AOX1: variants seen among roughly 807,000 people sequenced by gnomAD.
The protein encoded by AOX1 is aldehyde oxidase.
AOX1 carries 153 observed loss-of-function variants against 169.5 expected under a neutral mutation model. The ratio of observed to expected loss-of-function variants is 0.90; its 90% confidence interval spans 0.79 to 1.03. The LOEUF (loss-of-function observed/expected upper bound fraction) is 1.03, where lower values mean the gene tolerates loss of function less well. AOX1 is among the 50% of genes least tolerant of loss of function. The pLI is 0.00. For missense variants in AOX1, 1,656 were observed against 1,663.9 expected (o/e 1.00, Z 0.08); for synonymous variants, 562 against 581.9 (o/e 0.97, Z 0.49).
chr2:200,660,875 C>A (rs2035805519), intron 29 of AOX1, among the ~76,000 whole-genome samples: 1 of 152,190 alleles, frequency 6.6e-6, no homozygotes, highest in Admixed American at 6.5e-5. Context: ...GTCCTCTGTC[C>A]CATGCTGCCT....
chr2:200,638,388 A>G, intron 23 of AOX1, 86 bp downstream of exon 23: 1 of 1,168,752 alleles, frequency 8.6e-7, no homozygotes, highest in East Asian at 2.4e-5. Context: ...GCTACTCTCT[A>G]GTGGGGAGTA....
chr2:200,603,982 C>T (rs753332584), intron 7 of AOX1, 35 bp from the exon 8 acceptor site: 10 of 1,399,698 alleles, frequency 7.1e-6, no homozygotes, highest in Middle Eastern at 1.8e-4. Context: ...TAAAGTTGCT[C>T]GATAACAGTA....
chr2:200,608,908 C>T lies in AOX1; in HGVS notation c.908-76C>T, dbSNP rs1397680755. 3.0e-6 allele frequency: 4 copies of T among 1,337,560 alleles called. No homozygotes were observed. The African/African-American group carries it at 5.8e-5, about 19-fold the overall frequency. 82.9% of individuals were successfully genotyped at this position (1,337,560 alleles called of 1,614,324 possible). A position where few individuals can be genotyped will look rare whatever the true frequency, so the allele number is the denominator to read the frequency against. On this transcript the variant is annotated intron_variant, in intron 10 of 34. Coordinates refer to ENST00000374700, the MANE Select transcript of AOX1 (RefSeq NM_001159.4). ...TGTATCCAGTATAAAGATTCTATGT[C>T]TGTAGCTTTGGTCTAATGGACATTT...
intron 23 of AOX1, among the ~76,000 whole-genome samples, chr2:200,640,551 G>A (rs558041180): frequency 6.6e-6 from 1 of 152,210 alleles, no homozygotes; most frequent in Non-Finnish European, 1.5e-5. Flanking sequence ...GAATACAACC[G>A]CAAACATGAC....
intron 25 of AOX1, among the ~76,000 whole-genome samples, chr2:200,649,048 C>T (rs1015142417): frequency 2.0e-5 from 3 of 152,264 alleles, no homozygotes; most frequent in African/African-American, 7.2e-5. Context: ...GTTTCTCCCC[C>T]TGCCTGTGGA....
intron 3 of AOX1, among the ~76,000 whole-genome samples, chr2:200,595,880 GC>G (rs1182936053): frequency 6.6e-6 from 1 of 152,106 alleles, no homozygotes; most frequent in Non-Finnish European, 1.5e-5. Context: ...AGAGTGACCT[GC>G]TTTAATTATC....
chr2:200,668,252 T>A (rs578115098), intron 32 of AOX1, among the ~76,000 whole-genome samples: 1 of 151,954 alleles, frequency 6.6e-6, no homozygotes, highest in Admixed American at 6.6e-5. Flanking sequence ...ATTATAGGCA[T>A]GCACCATCAC....
At chr2:200,647,911 A>G (rs2035493198) in intron 25 of AOX1, among the ~76,000 whole-genome samples, 1 of 150,650 alleles carries the variant, frequency 6.6e-6, no homozygotes, top group Non-Finnish European at 1.5e-5. Flanking sequence ...GCATTTCTAA[A>G]AGTGTATCCA....
rs765052288 is a variant in AOX1 at position 200,670,669 on chromosome 2, T to C, written c.4007T>C (p.Val1336Ala). The C allele has an allele frequency of 6.2e-7, 1 of 1,612,690 alleles. No individual in the cohort carries two copies. Among genetic ancestry groups the C allele is most frequent in the Admixed American group, 1.7e-5 (1 of 60,020 alleles). The change falls in exon 35 of 35, where the codon GTA (valine) becomes GCA (alanine). Residue 1336 changes from valine to alanine, a missense_variant. By Grantham distance (64) the Val-to-Ala change is moderately conservative (BLOSUM62 0). Transcript: ENST00000374700. ...DEPGSYVPWN[V>A]PI ...CCTGGATCCTACGTTCCTTGGAATG[T>C]ACCCATCTGAATCAAATGCAAACTT...
intron 21 of AOX1, among the ~76,000 whole-genome samples, chr2:200,635,184 G>A (rs2035206011): frequency 6.6e-6 from 1 of 152,050 alleles, no homozygotes; most frequent in African/African-American, 2.4e-5. Flanking sequence ...AGTATTAATA[G>A]CCATATTGAT....
At chr2:200,674,467 C>T (rs1165872458), downstream of AOX1, among the ~76,000 whole-genome samples, 2 of 152,078 alleles carry the variant, frequency 1.3e-5, no homozygotes, top group African/African-American at 4.8e-5. Flanking sequence ...GACAAGATGG[C>T]ATATGAATGG....
chr2:200,591,972 GA>G (rs938322182), intron 1 of AOX1, among the ~76,000 whole-genome samples: 8 of 148,406 alleles, frequency 5.4e-5, no homozygotes, highest in East Asian at 2.0e-4. Context: ...TGGTGGATTG[GA>G]AAAAAAAAAG....
intron 23 of AOX1, among the ~76,000 whole-genome samples, chr2:200,639,061 T>C (rs1368574190): frequency 6.6e-6 from 1 of 152,224 alleles, no homozygotes; most frequent in African/African-American, 2.4e-5. Flanking sequence ...AAATTTAAAT[T>C]ACCCAAATTA....
chr2:200,667,929 C>T (rs2105777144), intron 32 of AOX1, among the ~76,000 whole-genome samples: 1 of 152,146 alleles, frequency 6.6e-6, no homozygotes, highest in East Asian at 1.9e-4. Flanking sequence ...GGTCTCTGGA[C>T]ACATCAGTCA....
At chr2:200,638,089 C>G in intron 22 of AOX1, 126 bp from the exon 23 acceptor site, 1 of 757,140 alleles carries the variant, frequency 1.3e-6, no homozygotes, top group Non-Finnish European at 2.2e-6. Context: ...GATAGGCATG[C>G]GAAATAGTTG....
chr2:200,656,849 C>A lies in AOX1; in HGVS notation c.3083C>A (p.Ala1028Asp). 6.3e-7 allele frequency: 1 copy of A among 1,576,656 alleles called. No individual in the cohort carries two copies. Among genetic ancestry groups the A allele is most frequent in the Non-Finnish European group, 8.6e-7 (1 of 1,160,328 alleles). Residue 1028 changes from alanine (A) to aspartate (D), a missense_variant, in exon 27 of 35, where the codon GCC becomes GAC. Physicochemically the swap from Ala to Asp is moderately radical, Grantham distance 126. Coordinates refer to ENST00000374700, the MANE Select transcript of AOX1 (RefSeq NM_001159.4). Reference sequence around the variant, plus strand: ...TTCGTCTTTTCTGCTCAGGCTGCTGCCTTGGTTCACATTTATCTTGATGGC... The same window carrying A: ...TTCGTCTTTTCTGCTCAGGCTGCTGACTTGGTTCACATTTATCTTGATGGC... ...LGSRAAGQAA[A>D]LVHIYLDGSV...
At chr2:200,679,656 G>GC (rs35141860), downstream of AOX1, among the ~76,000 whole-genome samples, 11,100 of 149,716 alleles carry the variant, frequency 0.074, 478 homozygotes, top group Admixed American at 0.12. Flanking sequence ...AGGTAGTGAC[G>GC]CCCCCCCCCG....
At chr2:200,620,198 A>AGTTTTTTTTTTTTTTTTTTTTT (rs370920216) in intron 16 of AOX1, among the ~76,000 whole-genome samples, 2 of 120,912 alleles carry the variant, frequency 1.7e-5, no homozygotes, top group African/African-American at 3.0e-5. Context: ...ATTAATAGTG[A>AGTTTTTTTTTTTTTTTTTTTTT]CTTTTTTTTT....
At chr2:200,659,895 C>A (rs1038409046) in intron 28 of AOX1, 100 bp from the exon 29 acceptor site, 1 of 895,998 alleles carries the variant, frequency 1.1e-6, no homozygotes, top group Admixed American at 2.4e-5. Context: ...TTCCATGTTC[C>A]CTCTTAGATA....
Sources: gnomAD v4.1 joint callset for allele counts (sites outside exome capture counted in the v4.1 genomes callset) on GRCh38, gnomAD v4.1.1 for gene constraint, MANE v1.5 for transcripts, NCBI Gene and HGNC (gene_info 2026-07-23, HGNC 2026-07-21) for gene names.